LIPC: variants seen among roughly 807,000 people sequenced by gnomAD.
LIPC encodes hepatic triacylglycerol lipase.
LIPC carries 44 observed loss-of-function variants against 50.7 expected under a neutral mutation model. The observed-to-expected ratio is 0.87, with a 90% CI of 0.68 to 1.11. The LOEUF (loss-of-function observed/expected upper bound fraction) is 1.11. Ranked by LOEUF, LIPC falls within the 50% of genes most tolerant of loss-of-function variation. The pLI, the probability that LIPC is intolerant of heterozygous loss-of-function variation, is 0.00. For missense variants in LIPC, 697 were observed against 648.2 expected (o/e 1.08, Z -0.82); for synonymous variants, 271 against 256.4 (o/e 1.06, Z -0.54).
chr15:58,474,964 G>A (rs1354977807), intron 1 of LIPC, among the ~76,000 whole-genome samples: 1 of 152,186 alleles, frequency 6.6e-6, no homozygotes, highest in Non-Finnish European at 1.5e-5. Context: ...CACATCTCCA[G>A]CTACCATCCC....
intron 1 of LIPC, among the ~76,000 whole-genome samples, chr15:58,529,292 C>T (rs1198391080): frequency 1.3e-5 from 2 of 152,190 alleles, no homozygotes; most frequent in Non-Finnish European, 2.9e-5. Context: ...CCTGGGGAGC[C>T]TCCCTGGCCT....
intron 1 of LIPC, among the ~76,000 whole-genome samples, chr15:58,489,551 C>G (rs1214599983): frequency 6.6e-6 from 1 of 151,870 alleles, no homozygotes; most frequent in Non-Finnish European, 1.5e-5. Flanking sequence ...GGGTGGGGGC[C>G]CCAAGACTGG....
chr15:58,569,746 A>G lies in LIPC; in HGVS notation c.*919A>G. On this transcript the variant is annotated 3_prime_UTR_variant, in exon 9 of 9. Transcript: ENST00000299022. ...CAACTATATGCAAACCAGGAAGTTG[A>G]CCCTCACCTGGAAGTAGACTACCAG... 6.5e-6 allele frequency: 1 copy of G among 153,602 alleles called. No individual in the cohort carries two copies. Among genetic ancestry groups the G allele is most frequent in the East Asian group, 1.9e-4 (1 of 5,308 alleles). 9.5% of individuals were successfully genotyped at this position (153,602 alleles called of 1,614,324 possible).
intron 1 of LIPC, among the ~76,000 whole-genome samples, chr15:58,454,104 G>A (rs1214700236): frequency 2.0e-5 from 3 of 152,182 alleles, no homozygotes; most frequent in African/African-American, 7.2e-5. Context: ...ATGGCAAGAT[G>A]GGAACCCAGC....
At chr15:58,462,843 T>C (rs1461952311) in intron 1 of LIPC, among the ~76,000 whole-genome samples, 2 of 152,164 alleles carry the variant, frequency 1.3e-5, no homozygotes, top group Non-Finnish European at 2.9e-5. Context: ...TGAAGAACCC[T>C]TTCCAAGACC....
chr15:58,496,743 C>CAAAAAAAA (rs10716717), intron 1 of LIPC, among the ~76,000 whole-genome samples: 8,355 of 113,556 alleles, frequency 0.074, 567 homozygotes, highest in East Asian at 0.18. Context: ...TCTTCCCCCT[C>CAAAAAAAA]AAAAAAAAAA....
intron 1 of LIPC, among the ~76,000 whole-genome samples, chr15:58,526,554 G>A (rs1892804412): frequency 6.6e-6 from 1 of 152,130 alleles, no homozygotes; most frequent in Admixed American, 6.5e-5. Context: ...TCCAAGGAGG[G>A]GCCTCCTTTT....
At chr15:58,515,523 T>TACAC (rs1257197398) in intron 1 of LIPC, among the ~76,000 whole-genome samples, 1 of 8,080 alleles carries the variant, frequency 1.2e-4, no homozygotes, top group Admixed American at 2.3e-3. Context: ...GGTCTTTGCA[T>TACAC]ATACACACAC....
At chr15:58,525,399 G>C (rs1277350053) in intron 1 of LIPC, among the ~76,000 whole-genome samples, 2 of 152,198 alleles carry the variant, frequency 1.3e-5, no homozygotes, top group Non-Finnish European at 2.9e-5. Context: ...GTCCTTTTTA[G>C]TTCAGAGCTC....
chr15:58,536,443 CAG>C (rs1287293280), intron 1 of LIPC, among the ~76,000 whole-genome samples: 10 of 152,202 alleles, frequency 6.6e-5, no homozygotes, highest in Middle Eastern at 3.4e-3. Context: ...AGAGACCAAG[CAG>C]AGAGAGACCA....
chr15:58,549,315 A>T (rs1893663682), intron 6 of LIPC, among the ~76,000 whole-genome samples: 1 of 152,250 alleles, frequency 6.6e-6, no homozygotes, highest in Non-Finnish European at 1.5e-5. Flanking sequence ...TCACTGTTTC[A>T]TCGCACAGCC....
chr15:58,549,683 C>T (rs1330222360), intron 6 of LIPC, among the ~76,000 whole-genome samples: 18 of 152,222 alleles, frequency 1.2e-4, no homozygotes, highest in African/African-American at 3.1e-4. Context: ...AACTTTTGCT[C>T]TCCAGTCAGG....
chr15:58,441,282 C>T (rs1340238216), intron 1 of LIPC, among the ~76,000 whole-genome samples: 6 of 152,192 alleles, frequency 3.9e-5, no homozygotes, highest in African/African-American at 1.4e-4. Flanking sequence ...AAGATTAACA[C>T]CCATGAAACT....
chr15:58,569,010 T>G lies in LIPC; in HGVS notation c.*183T>G, dbSNP rs1428401122. 3 of 476,580 alleles carry G rather than the reference T, an allele frequency of 6.3e-6. No individual in the cohort carries two copies. In the East Asian group the frequency reaches 9.7e-5, roughly 15 times the overall value. 29.5% of individuals were successfully genotyped at this position (476,580 alleles called of 1,614,324 possible). ...TTTAAAAACGATATGATATAACTAT[T>G]TTCCAGTATCAGTACAACCAAAAAT... On this transcript the variant is annotated 3_prime_UTR_variant, in exon 9 of 9. Transcript: ENST00000299022.
chr15:58,540,647 T>C (rs1239082942), intron 2 of LIPC, among the ~76,000 whole-genome samples: 2 of 152,054 alleles, frequency 1.3e-5, no homozygotes, highest in South Asian at 2.1e-4. Context: ...TCACCTCCTA[T>C]TGTCTAGCCT....
At chr15:58,514,712 T>G (rs1892433940) in intron 1 of LIPC, among the ~76,000 whole-genome samples, 2 of 152,156 alleles carry the variant, frequency 1.3e-5, no homozygotes, top group Admixed American at 1.3e-4. Flanking sequence ...TAATCCCAGC[T>G]ACTTCGGAGG....
chr15:58,434,658 AG>A (rs1422953589), intron 1 of LIPC, among the ~76,000 whole-genome samples: 1 of 152,242 alleles, frequency 6.6e-6, no homozygotes, highest in Non-Finnish European at 1.5e-5. Context: ...TTCAGCACTA[AG>A]GGGGACTGGA....
intron 1 of LIPC, among the ~76,000 whole-genome samples, chr15:58,446,774 A>G (rs1190075321): frequency 6.6e-6 from 1 of 152,154 alleles, no homozygotes; most frequent in African/African-American, 2.4e-5. Context: ...CAGGCCTGGC[A>G]TGGAGCAGGC....
rs78345131 is a variant in LIPC, at chr15:58,559,296, G to A, written c.1052-1568G>A. ...GTTGTTAGATGTTAATGTGCATTGT[G>A]ATACGTCACCCCCAAGCAAACCATC... On this transcript the variant is annotated intron_variant, in intron 6 of 8. Transcript: ENST00000299022. 9.4e-3 allele frequency among the ~76,000 whole-genome samples: 1,428 copies of A among 152,298 alleles called. 13 individuals are homozygous for A. Among genetic ancestry groups the A allele is most frequent in the Non-Finnish European group, 0.016 (1,091 of 68,022 alleles).
Sources: allele counts gnomAD v4.1 joint callset (sites outside exome capture counted in the v4.1 genomes callset), GRCh38; gene constraint gnomAD v4.1.1; transcripts MANE v1.5; gene names NCBI Gene and HGNC (gene_info 2026-07-23, HGNC 2026-07-21).